The following NOTCH3 variants were observed in gnomAD, a reference collection of about 807,000 sequenced individuals.
The protein encoded by NOTCH3 is notch receptor 3.
A neutral mutation model predicts 213.3 loss-of-function variants in NOTCH3; 86 were observed. That is an observed-to-expected ratio of 0.40 (90% CI 0.34 to 0.48). The LOEUF (loss-of-function observed/expected upper bound fraction) is 0.48, where lower values mean the gene tolerates loss of function less well. Among genes scored for constraint, NOTCH3 ranks in the 20% least tolerant of loss-of-function variants. NOTCH3 has a pLI of 0.57. For synonymous variants in NOTCH3, 1,354 were observed against 1,355.9 expected (o/e 1.00, Z 0.03); for missense variants, 2,783 against 3,272.6 (o/e 0.85, Z 3.65).
intron 8 of NOTCH3, among the ~76,000 whole-genome samples, chr19:15,188,737 C>T (rs550788800): frequency 6.6e-6 from 1 of 152,112 alleles, no homozygotes; most frequent in Non-Finnish European, 1.5e-5. Flanking sequence ...CTATCCCCAA[C>T]CCCTTCCCGA....
intron 2 of NOTCH3, among the ~76,000 whole-genome samples, chr19:15,193,939 G>T (rs11880667): frequency 6.6e-6 from 1 of 151,640 alleles, no homozygotes; most frequent in Non-Finnish European, 1.5e-5. Context: ...AAAATTAGCT[G>T]GGCGTGGTGG....
Position 15,165,279 on chromosome 19 carries a change from C to G in NOTCH3, c.5815+89G>C. On this transcript the variant is annotated intron_variant, in intron 31 of 32. Coordinates refer to ENST00000263388, the MANE Select transcript of NOTCH3 (RefSeq NM_000435.3). This position sits in a 1 kb window ranked among gnomAD's most constrained non-coding sequence, Gnocchi z 4.7. ...TGTGCGTGAGCTTCAGTGATTGGGT[C>G]TCAACATGGGTATGAATTTGCACCA... 2 of 1,394,662 alleles carry G rather than the reference C, an allele frequency of 1.4e-6. No homozygotes were observed. Among genetic ancestry groups the G allele is most frequent in the Non-Finnish European group, 2.0e-6 (2 of 993,070 alleles). 86.4% of individuals were successfully genotyped at this position (1,394,662 alleles called of 1,614,324 possible). A position where few individuals can be genotyped will look rare whatever the true frequency, so the allele number is the denominator to read the frequency against.
intron 1 of NOTCH3, among the ~76,000 whole-genome samples, chr19:15,198,960 G>A (rs2046990223): frequency 6.6e-6 from 1 of 152,094 alleles, no homozygotes; most frequent in Non-Finnish European, 1.5e-5. Context: ...ACAAGAGGGT[G>A]AGTTACAGAA....
Position 15,181,130 on chromosome 19 carries a change from C to T in NOTCH3, c.2825G>A (p.Gly942Asp), listed in dbSNP as rs2145423107. The T allele has an allele frequency of 1.2e-6, 2 of 1,607,600 alleles. No individual in the cohort carries two copies. The highest frequency in any genetic ancestry group is 1.7e-6 in the Non-Finnish European group (2 of 1,177,694). ...SCFNGGTCVD[G>D]VNSFSCLCRP... ...GCACAGGCAGCTGAACGAGTTCACG[C>T]CGTCCACACAGGTCCCGCCATTGAA... Residue 942 changes from glycine (G) to aspartate (D), a missense_variant, in exon 18 of 33, where the codon GGC (glycine) becomes GAC (aspartate). Gly to Asp is a moderately conservative substitution (Grantham distance 94, BLOSUM62 -1). Transcript: ENST00000263388.
At chr19:15,191,890 T>A (rs201581576) in intron 4 of NOTCH3, 23 bp from the exon 5 acceptor site, 9 of 1,613,758 alleles carry the variant, frequency 5.6e-6, no homozygotes, top group Non-Finnish European at 7.6e-6. Flanking sequence ...GGGGCAAGGA[T>A]GGTCACCGCC....
At chr19:15,180,281 AAC>A in intron 19 of NOTCH3, 25 bp from the exon 20 acceptor site, 1 of 1,612,190 alleles carries the variant, frequency 6.2e-7, no homozygotes, top group Non-Finnish European at 8.5e-7. Context: ...GTGGCACAGG[AAC>A]AGAGGTAACC....
intron 24 of NOTCH3, among the ~76,000 whole-genome samples, chr19:15,177,159 G>A (rs958735448): frequency 1.3e-5 from 2 of 151,122 alleles, no homozygotes; most frequent in African/African-American, 4.9e-5. Context: ...TGAGGCAGGA[G>A]TACTGCTTAA....
chr19:15,163,979 T>C (rs910506553), intron 31 of NOTCH3, among the ~76,000 whole-genome samples: 4 of 152,152 alleles, frequency 2.6e-5, no homozygotes, highest in Admixed American at 6.5e-5. Context: ...ATTACATTTA[T>C]ATGAAATGTC....
At chr19:15,177,174 G>A (rs1387777520) in intron 24 of NOTCH3, among the ~76,000 whole-genome samples, 2 of 151,368 alleles carry the variant, frequency 1.3e-5, no homozygotes, top group Non-Finnish European at 2.9e-5. Context: ...GCTTAAACCC[G>A]GGAGGCAGAG....
chr19:15,192,492 C>A lies in NOTCH3; in HGVS notation c.225G>T (p.Arg75=), dbSNP rs2145443794. 6.2e-7 allele frequency: 1 copy of A among 1,601,410 alleles called. No homozygotes were observed. Among genetic ancestry groups the A allele is most frequent in the Non-Finnish European group, 8.5e-7 (1 of 1,175,028 alleles). Residue 75 remains arginine (R), a synonymous_variant, in exon 3 of 33, where the codon CGG becomes CGT. Transcript: ENST00000263388. ...CLCPPGWVGE[R]CQLEDPCHSG... ...AGTGACAGGGGTCCTCCAGCTGACA[C>A]CGCTCACCCACCCAGCCAGGCGGGC...
chr19:15,170,038 G>T, intron 28 of NOTCH3, 48 bp downstream of exon 28: 2 of 1,103,318 alleles, frequency 1.8e-6, no homozygotes, highest in African/African-American at 1.5e-5. Context: ...CCAGTACCCT[G>T]AGGGGAGGGG....
chr19:15,174,061 C>T lies in NOTCH3; in HGVS notation c.4736+7G>A. ...CCACCACGGCTTTTCCAGGTGGGGT[C>T]ACTCACCCGATCACCTCGGGGGCCA... On this transcript the variant is annotated splice_region_variant and intron_variant, in intron 25 of 32. Coordinates refer to ENST00000263388, the MANE Select transcript of NOTCH3 (RefSeq NM_000435.3). The T allele has an allele frequency of 6.4e-7, 1 of 1,556,450 alleles. No individual in the cohort carries two copies. The highest frequency in any genetic ancestry group is 8.7e-7 in the Non-Finnish European group (1 of 1,147,484).
At chr19:15,180,363 C>T (rs1327280679) in intron 19 of NOTCH3, 107 bp from the exon 20 acceptor site, 9 of 1,230,330 alleles carry the variant, frequency 7.3e-6, no homozygotes, top group African/African-American at 1.5e-5. Context: ...TCCCCAGGAT[C>T]GCACCCACAC....
In NOTCH3 at chr19:15,187,254, G is replaced by T. The variant is rs574575017; in HGVS notation, c.1691C>A (p.Ala564Asp). Reference sequence around the variant, plus strand: ...AGGAGCACAGGCACATGAGAAGCTGGCGATGCCATCCACGCAGCGACCATG... The same window carrying T: ...AGGAGCACAGGCACATGAGAAGCTGTCGATGCCATCCACGCAGCGACCATG... The part of the protein sequence containing the change: ...CHHGRCVDGI[A>D]SFSCACAPGY... The change falls in exon 11 of 33, where the codon GCC becomes GAC. Residue 564 changes from alanine to aspartate, a missense_variant. Around this residue, in one of 6 missense-constraint regions of NOTCH3, gnomAD observed 708 missense variants for 906.6 expected, o/e 0.78. Transcript: ENST00000263388. 6.2e-7 allele frequency: 1 copy of T among 1,614,114 alleles called. No homozygotes were observed. The highest frequency in any genetic ancestry group is 1.1e-5 in the South Asian group (1 of 91,090).
At position 15,170,660 on chromosome 19, in the gene NOTCH3, C is replaced by T. The variant is rs2046725709; in HGVS notation, c.4891+11G>A. 1 of 1,529,062 alleles carries T rather than the reference C, an allele frequency of 6.5e-7. No homozygotes were observed. The highest frequency in any genetic ancestry group is 8.9e-7 in the Non-Finnish European group (1 of 1,127,192). The allele number at this position is 1,529,062 out of a possible 1,614,324, so 94.7% of individuals were successfully genotyped here. A position where few individuals can be genotyped will look rare whatever the true frequency, so the allele number is the denominator to read the frequency against. ...CGCCCCCGCCACCCCCTCCCCAAGG[C>T]AGGGCCGCACCCCGCACGTCCCGCA... On this transcript the variant is annotated intron_variant, in intron 26 of 32. Transcript: ENST00000263388.
intron 31 of NOTCH3, among the ~76,000 whole-genome samples, chr19:15,163,528 A>G (rs2046661999): frequency 6.6e-6 from 1 of 152,232 alleles, no homozygotes; most frequent in Admixed American, 6.5e-5. Context: ...TAAATTGGAC[A>G]TGATCAAAAT....
chr19:15,193,393 G>C (rs147273803), intron 2 of NOTCH3, among the ~76,000 whole-genome samples: 31 of 152,010 alleles, frequency 2.0e-4, no homozygotes, highest in Non-Finnish European at 3.8e-4. Context: ...CACGCCACCA[G>C]GCCTGGCTAT....
Position 15,187,352 on chromosome 19 carries a change from A to G in NOTCH3, c.1607-14T>C, listed in dbSNP as rs202062771. On this transcript the variant is annotated splice_polypyrimidine_tract_variant and intron_variant, in intron 10 of 32. Coordinates refer to ENST00000263388, the MANE Select transcript of NOTCH3 (RefSeq NM_000435.3). ...TGCCCTCAAAGCCTGTGGGGCCAAG[A>G]GGGTCAGGCTCCGCCCACTTGCCAG... 132 of 1,610,046 alleles carry G rather than the reference A, an allele frequency of 8.2e-5. No homozygotes were observed. The Admixed American group carries it at 9.0e-4, about 11-fold the overall frequency.
rs886054257 is a variant in NOTCH3 at position 15,178,007 on chromosome 19, C to G, written c.3921G>C (p.Thr1307=). ...GGCAGGCGCAGCGCGGCCCGCGGGG[C>G]GTCTGCTGGCATGGGACGCCCACCG... The part of the protein sequence containing the change: ...QCPVGVPCQQ[T]PRGPRCACPP... Residue 1307 remains threonine (T), a synonymous_variant, in exon 24 of 33, where the codon ACG becomes ACC. Coordinates refer to ENST00000263388, the MANE Select transcript of NOTCH3 (RefSeq NM_000435.3). 1 of 1,470,370 alleles carries G rather than the reference C, an allele frequency of 6.8e-7. No individual in the cohort carries two copies. The highest frequency in any genetic ancestry group is 9.0e-7 in the Non-Finnish European group (1 of 1,114,256). The allele number at this position is 1,470,370 out of a possible 1,614,324, so 91.1% of individuals were successfully genotyped here.
Sources: allele counts gnomAD v4.1 joint callset (sites outside exome capture counted in the v4.1 genomes callset), GRCh38; gene constraint gnomAD v4.1.1; regional missense constraint gnomAD v4.1.1; non-coding constraint Gnocchi (gnomAD v3.1); transcripts MANE v1.5; gene names NCBI Gene and HGNC (gene_info 2026-07-23, HGNC 2026-07-21).